Variants in SLTM observed in about 807,000 individuals in gnomAD.
SLTM encodes SAFB-like transcription modulator.
In SLTM, 43 loss-of-function variants were observed where a neutral mutation model predicts 134.6. The observed-to-expected ratio is 0.32, with a 90% CI of 0.25 to 0.41. The LOEUF (loss-of-function observed/expected upper bound fraction) is 0.41, where lower values mean the gene tolerates loss of function less well. Among genes scored for constraint, SLTM ranks in the 10% least tolerant of loss-of-function variants. The pLI, the probability that SLTM is intolerant of heterozygous loss-of-function variation, is 1.00. For missense variants in SLTM, 1,055 were observed against 1,288.8 expected, an observed-to-expected ratio of 0.82 and a Z score of 2.78; for synonymous variants, 424 against 432.3, an observed-to-expected ratio of 0.98 and a Z score of 0.24.
chr15:58,928,552 G>T (rs1385506776), intron 2 of SLTM, among the ~76,000 whole-genome samples: 7 of 151,690 alleles, frequency 4.6e-5, no homozygotes, highest in Non-Finnish European at 1.0e-4. Flanking sequence ...GCTTGTAATA[G>T]CTGCATTTAA....
intron 5 of SLTM, among the ~76,000 whole-genome samples, chr15:58,904,093 C>T (rs2141057589): frequency 6.6e-6 from 1 of 152,292 alleles, no homozygotes; most frequent in East Asian, 1.9e-4. Context: ...ACCTCTGCCT[C>T]CCAGGCTCAA....
intron 2 of SLTM, among the ~76,000 whole-genome samples, chr15:58,922,072 T>G (rs111742909): frequency 4.7e-4 from 71 of 152,198 alleles, no homozygotes; most frequent in African/African-American, 1.5e-3. Context: ...AAAATATAAC[T>G]CATTTTAAAA....
chr15:58,931,162 G>A (rs939431540), intron 2 of SLTM, among the ~76,000 whole-genome samples: 4 of 152,170 alleles, frequency 2.6e-5, no homozygotes, highest in African/African-American at 9.7e-5. Context: ...TTTAAATACA[G>A]AAAATGTATC....
chr15:58,933,323 G>C (rs992654727), intron 1 of SLTM, 81 bp downstream of exon 1: 11 of 1,439,034 alleles, frequency 7.6e-6, no homozygotes, highest in East Asian at 2.9e-5. Context: ...GCGGGCAGCC[G>C]GAGGCTGCGG....
At chr15:58,932,924 C>T (rs1196799207) in intron 1 of SLTM, among the ~76,000 whole-genome samples, 1 of 152,234 alleles carries the variant, frequency 6.6e-6, no homozygotes, top group Non-Finnish European at 1.5e-5. Context: ...GTCACCCACC[C>T]ATCAACTCCC....
intron 8 of SLTM, 140 bp downstream of exon 8, chr15:58,898,663 T>C (rs2035265432): frequency 1.6e-6 from 1 of 639,478 alleles, no homozygotes; most frequent in South Asian, 1.7e-5. Flanking sequence ...CCACAGTTTA[T>C]ATAAAGACCA....
At chr15:58,884,730 C>G (rs1267097547) in intron 19 of SLTM, among the ~76,000 whole-genome samples, 1 of 152,010 alleles carries the variant, frequency 6.6e-6, no homozygotes, top group Non-Finnish European at 1.5e-5. Context: ...TCCTGGGGCT[C>G]AAGCAATTCT....
At chr15:58,885,252 C>A (rs1276709020) in intron 19 of SLTM, among the ~76,000 whole-genome samples, 24 of 152,234 alleles carry the variant, frequency 1.6e-4, no homozygotes, top group Admixed American at 1.5e-3. Context: ...AAAGAGAAAG[C>A]AAGCATTGTG....
intron 5 of SLTM, 71 bp downstream of exon 5, chr15:58,912,492 T>C (rs1166544923): frequency 5.6e-6 from 7 of 1,245,584 alleles, no homozygotes; most frequent in Non-Finnish European, 7.1e-6. Context: ...AATTATGAAG[T>C]CAAAATAAGA....
At position 58,897,032 on chromosome 15, in the gene SLTM, A is replaced by T. The variant is rs550847929; in HGVS notation, c.1227+83T>A. 16 of 795,080 alleles carry T rather than the reference A, an allele frequency of 2.0e-5. No individual in the cohort carries two copies. The East Asian group carries it at 3.9e-4, about 20-fold the overall frequency. The allele number at this position is 795,080 out of a possible 1,614,324, so 49.3% of individuals were successfully genotyped here. A position where few individuals can be genotyped will look rare whatever the true frequency, so the allele number is the denominator to read the frequency against. On this transcript the variant is annotated intron_variant, in intron 9 of 20. Coordinates refer to ENST00000380516, the MANE Select transcript of SLTM (RefSeq NM_024755.4). ...TAAGAGATACAATAAATTAGAAGAT[A>T]TTCATGTAATACTATTTAGAATACA...
chr15:58,908,906 C>T (rs997615025), intron 5 of SLTM, among the ~76,000 whole-genome samples: 1 of 152,004 alleles, frequency 6.6e-6, no homozygotes, highest in Non-Finnish European at 1.5e-5. Flanking sequence ...GTATGTGTAC[C>T]GTGAGATAAA....
intron 5 of SLTM, 104 bp from the exon 6 acceptor site, chr15:58,901,391 T>A: frequency 1.1e-6 from 1 of 909,364 alleles, no homozygotes; most frequent in Non-Finnish European, 1.7e-6. Context: ...AATTTAATGA[T>A]ATTATTTAGG....
intron 5 of SLTM, among the ~76,000 whole-genome samples, chr15:58,901,582 A>C (rs1285000064): frequency 6.6e-6 from 1 of 152,228 alleles, no homozygotes; most frequent in Non-Finnish European, 1.5e-5. Context: ...ATTCTTCCTC[A>C]TATCAAAGAG....
intron 6 of SLTM, chr15:58,900,868 T>C: frequency 5.6e-6 from 1 of 178,090 alleles, no homozygotes; most frequent in East Asian, 1.8e-4. Context: ...CATTCATCAT[T>C]TTTAGGACTA....
In SLTM at chr15:58,893,925, C is replaced by A; in HGVS notation, c.1544G>T (p.Ser515Ile). ...RSSEKSEKKE[S>I]KDTKKIEGKD... ...ACCTTCTATTTTCTTAGTATCCTTG[C>A]TTTCTTTTTTTTCAGATTTCTCAGA... Residue 515 changes from serine (S) to isoleucine (I), a missense_variant, in exon 12 of 21, where the codon AGC (serine) becomes ATC (isoleucine). Around this residue, in one of 3 missense-constraint regions of SLTM, gnomAD observed 776 missense variants for 962.2 expected, o/e 0.81. Transcript: ENST00000380516. 1 of 1,612,848 alleles carries A rather than the reference C, an allele frequency of 6.2e-7. No individual in the cohort carries two copies. The highest frequency in any genetic ancestry group is 8.5e-7 in the Non-Finnish European group (1 of 1,179,768).
chr15:58,894,957 G>A (rs2034963488), intron 9 of SLTM, among the ~76,000 whole-genome samples: 2 of 152,142 alleles, frequency 1.3e-5, no homozygotes, highest in South Asian at 2.1e-4. Context: ...GGCCTACCTC[G>A]GCCTCCCACA....
At position 58,933,389 on chromosome 15, in the gene SLTM, C is replaced by G. The variant is rs749782676; in HGVS notation, c.162+15G>C. 1.4e-5 allele frequency: 22 copies of G among 1,569,056 alleles called. No homozygotes were observed. In the South Asian group the frequency reaches 2.2e-4, roughly 16 times the overall value. ...TTCCCCTTCCCGGTCCTTTCCGGTCCTCGCCGGGCCTCACCTGCTTGAGTC... is the reference window on the plus strand; with the variant it reads ...TTCCCCTTCCCGGTCCTTTCCGGTCGTCGCCGGGCCTCACCTGCTTGAGTC... On this transcript the variant is annotated intron_variant, in intron 1 of 20. Transcript: ENST00000380516.
intron 5 of SLTM, among the ~76,000 whole-genome samples, chr15:58,902,428 C>A (rs1595877649): frequency 6.7e-6 from 1 of 149,420 alleles, no homozygotes; most frequent in East Asian, 1.9e-4. Context: ...ACTCTGTCGT[C>A]CAGGCTAGAG....
chr15:58,887,386 G>A lies in SLTM; in HGVS notation c.2530C>T (p.Arg844Ter). 2 of 1,613,774 alleles carry A rather than the reference G, an allele frequency of 1.2e-6. No homozygotes were observed. Among genetic ancestry groups the A allele is most frequent in the Non-Finnish European group, 1.7e-6 (2 of 1,179,974 alleles). Residue 844 changes from arginine to a stop codon, truncating the protein, a stop_gained, in exon 18 of 21, where the codon CGA becomes TGA. Transcript: ENST00000380516. LOFTEE classifies it high-confidence loss of function. ...PRNELRESDR[R>*]EVRGERDERR... ...TCGTCTCGCTCCCCTCGTACTTCTC[G>A]CCTGTCTGATTCTCTAAGTTCATTT...
Sources: gnomAD v4.1 joint callset for allele counts (sites outside exome capture counted in the v4.1 genomes callset) on GRCh38, gnomAD v4.1.1 for gene constraint, gnomAD v4.1.1 regional missense constraint, MANE v1.5 for transcripts, NCBI Gene and HGNC (gene_info 2026-07-23, HGNC 2026-07-21) for gene names.